The following PDGFD variants were observed in gnomAD, a reference collection of about 807,000 sequenced individuals.
PDGFD encodes the protein platelet-derived growth factor D.
A neutral mutation model predicts 44.7 loss-of-function variants in PDGFD; 30 were observed. The observed-to-expected ratio is 0.67, with a 90% confidence interval of 0.50 to 0.91. The LOEUF (loss-of-function observed/expected upper bound fraction) is 0.91. Among genes scored for constraint, PDGFD ranks in the 40% least tolerant of loss-of-function variants. PDGFD has a pLI of 0.00. For missense variants in PDGFD, 445 were observed against 457.8 expected, an observed-to-expected ratio of 0.97 and a Z score of 0.25; for synonymous variants, 173 against 168.4, an observed-to-expected ratio of 1.03 and a Z score of -0.21.
intron 3 of PDGFD, among the ~76,000 whole-genome samples, chr11:103,990,065 C>T (rs1859427324): frequency 6.6e-6 from 1 of 152,138 alleles, no homozygotes; most frequent in South Asian, 2.1e-4. Context: ...TACCTTATCC[C>T]ATCTAAGTGC....
At chr11:103,912,273 C>T (rs972102676) in intron 6 of PDGFD, among the ~76,000 whole-genome samples, 19 of 152,194 alleles carry the variant, frequency 1.2e-4, no homozygotes, top group Admixed American at 2.0e-4. Context: ...AGACTAACAG[C>T]GGATCTCCCG....
chr11:104,065,330 T>C (rs1860773743), intron 1 of PDGFD, among the ~76,000 whole-genome samples: 1 of 152,206 alleles, frequency 6.6e-6, no homozygotes, highest in Admixed American at 6.5e-5. Flanking sequence ...TTCTATTCTA[T>C]TCTAGACTTC....
chr11:103,986,884 T>C (rs938117599), intron 3 of PDGFD, among the ~76,000 whole-genome samples: 3 of 152,120 alleles, frequency 2.0e-5, no homozygotes, highest in Non-Finnish European at 4.4e-5. Flanking sequence ...AAATCTAAGA[T>C]CAGTGCTTAA....
chr11:103,940,983 A>G (rs1176627380), intron 5 of PDGFD, among the ~76,000 whole-genome samples: 1 of 152,142 alleles, frequency 6.6e-6, no homozygotes, highest in Non-Finnish European at 1.5e-5. Context: ...AACTTTAGAA[A>G]TAGGCTAACA....
intron 1 of PDGFD, among the ~76,000 whole-genome samples, chr11:104,020,235 T>C (rs975653179): frequency 1.3e-5 from 2 of 152,270 alleles, no homozygotes; most frequent in African/African-American, 4.8e-5. Context: ...TCCTTGACAC[T>C]ATTTCTAGAA....
intron 6 of PDGFD, among the ~76,000 whole-genome samples, chr11:103,912,755 C>G (rs561634823): frequency 1.3e-5 from 2 of 151,578 alleles, no homozygotes; most frequent in Admixed American, 6.6e-5. Context: ...AAAAGACACA[C>G]ATAGGCTCAA....
At chr11:103,922,738 A>ATTAT (rs1311049226) in intron 6 of PDGFD, among the ~76,000 whole-genome samples, 10 of 151,778 alleles carry the variant, frequency 6.6e-5, no homozygotes. Flanking sequence ...CCTTTTTTTT[A>ATTAT]TTATTTATTT....
At chr11:103,988,223 C>T (rs1859399236) in intron 3 of PDGFD, among the ~76,000 whole-genome samples, 1 of 151,926 alleles carries the variant, frequency 6.6e-6, no homozygotes, top group Admixed American at 6.6e-5. Context: ...CACAGATATA[C>T]AGGAAAGGTT....
intron 5 of PDGFD, among the ~76,000 whole-genome samples, chr11:103,935,721 CAG>C (rs1858478553): frequency 1.3e-5 from 2 of 152,104 alleles, no homozygotes; most frequent in African/African-American, 2.4e-5. Context: ...TGGTTCTGTG[CAG>C]AGTTTTGCAA....
chr11:104,024,358 G>C (rs1024734910), intron 1 of PDGFD, among the ~76,000 whole-genome samples: 4 of 152,110 alleles, frequency 2.6e-5, no homozygotes, highest in African/African-American at 7.2e-5. Context: ...CAGAGTACAT[G>C]AATTTTCTTC....
chr11:103,973,912 A>T (rs1023577782), intron 3 of PDGFD, among the ~76,000 whole-genome samples: 2 of 152,134 alleles, frequency 1.3e-5, no homozygotes, highest in East Asian at 3.9e-4. Context: ...GGGTTTTATC[A>T]TAGGGAATAG....
intron 3 of PDGFD, among the ~76,000 whole-genome samples, chr11:103,983,826 G>C (rs893159116): frequency 6.6e-6 from 1 of 150,588 alleles, no homozygotes; most frequent in Admixed American, 6.6e-5. Flanking sequence ...CCGATCATTA[G>C]AGAGATGCAA....
chr11:104,084,763 A>C (rs1861098243), intron 1 of PDGFD, among the ~76,000 whole-genome samples: 1 of 75,412 alleles, frequency 1.3e-5, no homozygotes, highest in African/African-American at 1.0e-4. Context: ...TTTATATATT[A>C]ATTATAAAAT....
intron 6 of PDGFD, among the ~76,000 whole-genome samples, chr11:103,917,249 A>G (rs1343529005): frequency 6.6e-6 from 1 of 152,206 alleles, no homozygotes; most frequent in Non-Finnish European, 1.5e-5. Context: ...CTGTGTATCA[A>G]TACAGCATTT....
chr11:104,032,288 G>T (rs1372786149), intron 1 of PDGFD, among the ~76,000 whole-genome samples: 1 of 152,080 alleles, frequency 6.6e-6, no homozygotes, highest in Non-Finnish European at 1.5e-5. Context: ...TTGTATTACT[G>T]TAAAGCAAAT....
intron 1 of PDGFD, among the ~76,000 whole-genome samples, chr11:104,011,014 A>C (rs1217383821): frequency 3.3e-5 from 5 of 152,124 alleles, no homozygotes; most frequent in Admixed American, 2.6e-4. Context: ...CATACCCAGG[A>C]GTAACAAGAT....
At chr11:104,037,229 GC>G in intron 1 of PDGFD, 1 of 1,613,688 alleles carries the variant, frequency 6.2e-7, no homozygotes, top group South Asian at 1.1e-5. Flanking sequence ...AAGGTGGCCG[GC>G]CTGCAAGGTC....
intron 1 of PDGFD, among the ~76,000 whole-genome samples, chr11:104,001,337 C>T (rs1859616520): frequency 6.6e-6 from 1 of 152,210 alleles, no homozygotes; most frequent in South Asian, 2.1e-4. Context: ...CCTCTCAGAC[C>T]TTACCCTATG....
At chr11:104,158,018 G>A (rs1455968777) in intron 1 of PDGFD, among the ~76,000 whole-genome samples, 3 of 152,128 alleles carry the variant, frequency 2.0e-5, no homozygotes, top group African/African-American at 7.2e-5. Flanking sequence ...TACATTTACA[G>A]GCAAAGCAGC....
Sources: gnomAD v4.1 joint callset for allele counts (sites outside exome capture counted in the v4.1 genomes callset) on GRCh38, gnomAD v4.1.1 for gene constraint, MANE v1.5 for transcripts, NCBI Gene and HGNC (gene_info 2026-07-23, HGNC 2026-07-21) for gene names.